APLP1: variants seen among roughly 807,000 people sequenced by gnomAD.
APLP1 encodes amyloid beta precursor like protein 1.
A neutral mutation model predicts 84.5 loss-of-function variants in APLP1; 46 were observed. The observed-to-expected ratio is 0.54, with a 90% CI of 0.43 to 0.70. The LOEUF is 0.70. Among genes scored for constraint, APLP1 ranks in the 30% least tolerant of loss-of-function variants. The pLI is 0.00. For synonymous variants in APLP1, 376 were observed against 364.0 expected, an observed-to-expected ratio of 1.03 and a Z score of -0.38; for missense variants, 826 against 900.2, an observed-to-expected ratio of 0.92 and a Z score of 1.05.
chr19:35,871,116 G>A (rs1599882810), intron 3 of APLP1, 88 bp downstream of exon 3: 1 of 1,509,752 alleles, frequency 6.6e-7, no homozygotes, highest in Non-Finnish European at 8.9e-7. Context: ...ACATTAAGGG[G>A]CTGGGTGCTT....
chr19:35,878,791 C>T, intron 14 of APLP1, 99 bp from the exon 15 acceptor site: 2 of 1,552,054 alleles, frequency 1.3e-6, no homozygotes, highest in South Asian at 1.1e-5. Context: ...GAATTGAGAT[C>T]CTAGAAAATG....
chr19:35,878,619 GAGA>G lies in APLP1; in HGVS notation c.1619_1621del (p.Lys540del). The G allele has an allele frequency of 1.2e-6, 2 of 1,614,126 alleles. No individual in the cohort carries two copies. The highest frequency in any genetic ancestry group is 1.7e-6 in the Non-Finnish European group (2 of 1,180,026). On this transcript the variant is annotated inframe_deletion, in exon 14 of 17. Transcript: ENST00000221891. ...ACAAGATGCTGCATCCCCTGAGAAA[GAGA>G]AGATGAACCCGCTGGAACAGTATGA...
At position 35,868,774 on chromosome 19, in the gene APLP1, C is replaced by T. The variant is rs1974053023; in HGVS notation, c.138C>T (p.Gly46=). ...AIGSLAGGSP[G]AAEAPGSAQV... ...GGAGCCTGGCCGGTGGGAGCCCCGG[C>T]GCGGCCGAGGTGAGGCCGGGCCGGG... Residue 46 remains glycine, a synonymous_variant, in exon 1 of 17, where the codon GGC becomes GGT. Transcript: ENST00000221891. This position sits in a 1 kb window ranked among gnomAD's most constrained non-coding sequence, Gnocchi z 5.2. 3 of 1,315,704 alleles carry T rather than the reference C, an allele frequency of 2.3e-6. No homozygotes were observed. The highest frequency in any genetic ancestry group is 2.0e-5 in the South Asian group (1 of 50,206). 81.5% of individuals were successfully genotyped at this position (1,315,704 alleles called of 1,614,324 possible). A position where few individuals can be genotyped will look rare whatever the true frequency, so the allele number is the denominator to read the frequency against.
intron 16 of APLP1, 48 bp downstream of exon 16, chr19:35,879,265 G>A: frequency 6.2e-7 from 1 of 1,608,814 alleles, no homozygotes; most frequent in African/African-American, 1.3e-5. Context: ...CCTGAGCCCG[G>A]GTGTGGGCGG....
intron 2 of APLP1, chr19:35,870,627 T>C: frequency 2.5e-6 from 1 of 396,786 alleles, no homozygotes; most frequent in South Asian, 3.6e-5. Context: ...CTACTAAAAA[T>C]ACAAAAATTA....
At position 35,878,801 on chromosome 19, in the gene APLP1, G is replaced by A. The variant is rs1974339662; in HGVS notation, c.1651-89G>A. On this transcript the variant is annotated intron_variant, in intron 14 of 16. Transcript: ENST00000221891. ...ACGTGGAATTGAGATCCTAGAAAAT[G>A]AGAGGGCTGGGGGACGCTCTCTTGG... The A allele has an allele frequency of 1.4e-5, 22 of 1,562,986 alleles. 1 individual carries two copies. In the South Asian group the frequency reaches 2.3e-4, roughly 17 times the overall value.
At chr19:35,869,355 T>G (rs568260487) in intron 1 of APLP1, 6 of 569,320 alleles carry the variant, frequency 1.1e-5, no homozygotes, top group East Asian at 6.3e-5. Context: ...GGTTCTGGCC[T>G]CCTCCTCCGC....
In APLP1 at chr19:35,871,963, G is replaced by T; in HGVS notation, c.777G>T (p.Glu259Asp). ...FPQPVDDYFV[E>D]PPQAEEEEET... Reference sequence around the variant, plus strand: ...AGCCAGTAGATGATTACTTCGTGGAGCCTCCGCAGGCTGAAGAGGAAGAGG... The same window carrying T: ...AGCCAGTAGATGATTACTTCGTGGATCCTCCGCAGGCTGAAGAGGAAGAGG... Residue 259 changes from glutamate (E) to aspartate (D), a missense_variant, in exon 6 of 17, where the codon GAG becomes GAT. Physicochemically the swap from Glu to Asp is conservative, Grantham distance 45 (BLOSUM62 2). Around this residue, in one of 3 missense-constraint regions of APLP1, gnomAD observed 383 missense variants for 378.3 expected, o/e 1.01. Coordinates refer to ENST00000221891, the MANE Select transcript of APLP1 (RefSeq NM_001024807.3). 1 of 1,614,158 alleles carries T rather than the reference G, an allele frequency of 6.2e-7. No individual in the cohort carries two copies. The highest frequency in any genetic ancestry group is 8.5e-7 in the Non-Finnish European group (1 of 1,180,030).
At position 35,878,949 on chromosome 19, in the gene APLP1, G is replaced by A. The variant is rs934106518; in HGVS notation, c.1710G>A (p.Glu570=). 6.2e-7 allele frequency: 1 copy of A among 1,614,142 alleles called. No homozygotes were observed. The highest frequency in any genetic ancestry group is 8.5e-7 in the Non-Finnish European group (1 of 1,180,030). The change falls in exon 15 of 17, where the codon GAG becomes GAA. Residue 570 remains glutamate, a synonymous_variant. Coordinates refer to ENST00000221891, the MANE Select transcript of APLP1 (RefSeq NM_001024807.3). The stretch of plus-strand genomic sequence containing the variant: ...ACTCATCGGAGATTCAGAGGGATGA[G>A]CTGGTAAGAGGAGGAACAGCCGGGT... ...PFHSSEIQRD[E]LAPAGTGVSR...
At chr19:35,872,846 G>C (rs995304811) in intron 7 of APLP1, among the ~76,000 whole-genome samples, 1 of 144,182 alleles carries the variant, frequency 6.9e-6, no homozygotes, top group Non-Finnish European at 1.5e-5. Flanking sequence ...CACTTTATTG[G>C]TTTTTTTTTT....
At chr19:35,877,697 C>A in intron 11 of APLP1, 21 bp from the exon 12 acceptor site, 3 of 1,590,794 alleles carry the variant, frequency 1.9e-6, no homozygotes, top group Non-Finnish European at 2.6e-6. Flanking sequence ...CCTCAGCCAC[C>A]TTTCTGCATG....
rs549122347 is a variant in APLP1 at position 35,870,840 on chromosome 19, G to A, written c.292-56G>A. The A allele has an allele frequency of 8.9e-6, 14 of 1,565,642 alleles. No homozygotes were observed. The East Asian group carries it at 2.5e-4, about 28-fold the overall frequency. On this transcript the variant is annotated intron_variant, in intron 2 of 16. Coordinates refer to ENST00000221891, the MANE Select transcript of APLP1 (RefSeq NM_001024807.3). ...AGAAAAGGGACCTGACTACTGGAGA[G>A]GGGTGGCTGGCAGGGGCGGGGCAGT...
intron 10 of APLP1, among the ~76,000 whole-genome samples, 155 bp downstream of exon 10, chr19:35,875,024 A>G (rs1368204377): frequency 6.6e-6 from 1 of 151,872 alleles, no homozygotes; most frequent in Non-Finnish European, 1.5e-5. Context: ...CTCTCAGCTC[A>G]GCTTCCTGAC....
intron 12 of APLP1, 60 bp downstream of exon 12, chr19:35,877,885 G>T: frequency 6.9e-7 from 1 of 1,456,518 alleles, no homozygotes; most frequent in Non-Finnish European, 9.4e-7. Context: ...AGCCTAATTT[G>T]TAATCCCCTA....
At position 35,877,816 on chromosome 19, in the gene APLP1, T is replaced by A; in HGVS notation, c.1543T>A (p.Ser515Thr). ...CAAGGGTGGGCTGCAGCCTCCAGAT[T>A]CCAAGGATGGTGAGTGAGCCCACAT... ...EDKGGLQPPD[S>T]KDADTPMTLP... The change falls in exon 12 of 17, where the codon TCC becomes ACC. Residue 515 changes from serine to threonine, a missense_variant. This residue lies in a region of APLP1 where 433 missense variants were observed against 496.5 expected (regional missense o/e 0.87). Coordinates refer to ENST00000221891, the MANE Select transcript of APLP1 (RefSeq NM_001024807.3). 1 of 1,609,372 alleles carries A rather than the reference T, an allele frequency of 6.2e-7. No homozygotes were observed. The highest frequency in any genetic ancestry group is 1.1e-5 in the South Asian group (1 of 90,636).
chr19:35,876,410 G>A, intron 10 of APLP1, 107 bp from the exon 11 acceptor site: 4 of 936,632 alleles, frequency 4.3e-6, no homozygotes, highest in Non-Finnish European at 6.9e-6. Context: ...TCCATTGCAT[G>A]TGCCGCTTTT....
rs893911542 is a variant in APLP1, at chr19:35,874,976, C to T, written c.1344+107C>T. The stretch of plus-strand genomic sequence containing the variant: ...CCTCTTTCTGTCTCTTGGACCCCTT[C>T]CTATCCCCTGAACACCGCTTCTCTG... On this transcript the variant is annotated intron_variant, in intron 10 of 16. Transcript: ENST00000221891. This position sits in a 1 kb window ranked among gnomAD's most constrained non-coding sequence, Gnocchi z 6.4. The T allele has an allele frequency of 1.4e-6, 2 of 1,448,490 alleles. No homozygotes were observed. Among genetic ancestry groups the T allele is most frequent in the Non-Finnish European group, 9.2e-7 (1 of 1,085,586 alleles). The allele number at this position is 1,448,490 out of a possible 1,614,324, so 89.7% of individuals were successfully genotyped here.
chr19:35,871,712 C>T lies in APLP1; in HGVS notation c.638C>T (p.Pro213Leu). The stretch of plus-strand genomic sequence containing the variant: ...GTGGAGTATGTGTGCTGTCCCCCTC[C>T]AGGGACCCCCGACCCATCTGGGACA... Reference protein sequence around the residue: ...RGVEYVCCPPPGTPDPSGTAV... With the variant: ...RGVEYVCCPPLGTPDPSGTAV... Residue 213 changes from proline (P) to leucine (L), a missense_variant, in exon 5 of 17, where the codon CCA (proline) becomes CTA (leucine). By Grantham distance (98) the Pro-to-Leu change is moderately conservative. Transcript: ENST00000221891. 4 of 1,614,116 alleles carry T rather than the reference C, an allele frequency of 2.5e-6. No homozygotes were observed. Among genetic ancestry groups the T allele is most frequent in the Non-Finnish European group, 3.4e-6 (4 of 1,180,028 alleles).
intron 11 of APLP1, 62 bp from the exon 12 acceptor site, chr19:35,877,656 G>T: frequency 8.8e-7 from 1 of 1,136,146 alleles, no homozygotes; most frequent in South Asian, 1.3e-5. Context: ...TCTACTGGTA[G>T]GGTGCCCTCC....
Sources: allele counts gnomAD v4.1 joint callset (sites outside exome capture counted in the v4.1 genomes callset), GRCh38; gene constraint gnomAD v4.1.1; regional missense constraint gnomAD v4.1.1; non-coding constraint Gnocchi (gnomAD v3.1); transcripts MANE v1.5; gene names NCBI Gene and HGNC (gene_info 2026-07-23, HGNC 2026-07-21).